ARL15: variants seen among roughly 807,000 people sequenced by gnomAD.
ARL15 encodes the protein ADP-ribosylation factor-like protein 15.
Under a neutral mutation model 25.2 loss-of-function variants are expected in ARL15, and 19 were observed. The observed-to-expected ratio is 0.75, with a 90% CI of 0.53 to 1.10. The LOEUF (loss-of-function observed/expected upper bound fraction) is 1.10, where lower values mean the gene tolerates loss of function less well. Ranked by LOEUF, ARL15 falls within the 50% of genes least tolerant of loss-of-function variation. ARL15 has a pLI of 0.00. For synonymous variants in ARL15, 94 were observed against 86.8 expected (o/e 1.08, Z -0.46); for missense variants, 220 against 246.0 (o/e 0.89, Z 0.71).
chr5:53,904,080 T>C (rs544795656), intron 4 of ARL15, among the ~76,000 whole-genome samples: 2 of 152,316 alleles, frequency 1.3e-5, no homozygotes, highest in Non-Finnish European at 2.9e-5. Context: ...AAAGCAGCCA[T>C]AGATAAGGAC....
At chr5:54,117,370 T>TACACAC (rs71600803) in intron 3 of ARL15, among the ~76,000 whole-genome samples, 26,452 of 143,548 alleles carry the variant, frequency 0.18, 2,417 homozygotes, top group East Asian at 0.28. Context: ...GTGAGACACA[T>TACACAC]ACACACACAC....
intron 4 of ARL15, among the ~76,000 whole-genome samples, chr5:54,006,051 CA>C (rs56094450): frequency 0.17 from 10,118 of 57,884 alleles, 216 homozygotes; most frequent in East Asian, 0.37. Context: ...ATTACATCTC[CA>C]AAAAAAAAAA....
chr5:53,971,767 G>A (rs1210048765), intron 4 of ARL15, among the ~76,000 whole-genome samples: 1 of 152,174 alleles, frequency 6.6e-6, no homozygotes, highest in African/African-American at 2.4e-5. Context: ...AGGCCAGAAA[G>A]GGAAGATTTG....
In ARL15 at chr5:53,917,165, T is replaced by C. The variant is rs142364238; in HGVS notation, c.463-30452A>G. On this transcript the variant is annotated intron_variant, in intron 4 of 4. Coordinates refer to ENST00000504924, the MANE Select transcript of ARL15 (RefSeq NM_019087.3). ...GGGAAAGTGGATATCTGGACTTGCC[T>C]GAGAAAAGCCTTTTAGGTCCAATTG... 6.6e-4 allele frequency among the ~76,000 whole-genome samples: 101 copies of C among 152,344 alleles called. 1 individual carries two copies. The East Asian group carries it at 0.015, about 23-fold the overall frequency.
At chr5:54,170,307 T>A (rs1448268025) in intron 2 of ARL15, among the ~76,000 whole-genome samples, 2 of 152,166 alleles carry the variant, frequency 1.3e-5, no homozygotes, top group African/African-American at 4.8e-5. Context: ...CACAGTAATC[T>A]TCTGCCTCCG....
intron 4 of ARL15, among the ~76,000 whole-genome samples, chr5:54,067,780 T>C (rs1359861845): frequency 6.6e-6 from 1 of 152,212 alleles, no homozygotes; most frequent in Non-Finnish European, 1.5e-5. Flanking sequence ...TGAATGAACA[T>C]TTATAAAATC....
rs760743257 is a variant in ARL15 at position 53,991,542 on chromosome 5, C to CAAAA, written c.463-104833_463-104830dup. Among the ~76,000 whole-genome samples the CAAAA allele has an allele frequency of 4.7e-3, 191 of 40,232 alleles. 3 individuals carry two copies. The highest frequency in any genetic ancestry group is 0.019 in the African/African-American group (170 of 9,056). The allele number at this position is 40,232 out of a possible 152,430, so 26.4% of individuals were successfully genotyped here. On this transcript the variant is annotated intron_variant, in intron 4 of 4. Transcript: ENST00000504924. ...GGGCAATAAGCTCGAAACTCCATCT[C>CAAAA]AAAAAAAAAAAAAAAAAAAGGGGGG...
chr5:54,299,936 T>C (rs767021335), intron 1 of ARL15, among the ~76,000 whole-genome samples: 1 of 152,154 alleles, frequency 6.6e-6, no homozygotes, highest in South Asian at 2.1e-4. Context: ...TGAGTTTCCA[T>C]TTACCTATGT....
intron 3 of ARL15, among the ~76,000 whole-genome samples, chr5:54,145,605 G>A (rs1753882124): frequency 6.6e-6 from 1 of 151,964 alleles, no homozygotes; most frequent in Non-Finnish European, 1.5e-5. Context: ...CAGTCTCAGA[G>A]GATGGTGTGT....
chr5:54,027,405 T>C (rs563312775), intron 4 of ARL15, among the ~76,000 whole-genome samples: 18 of 152,326 alleles, frequency 1.2e-4, no homozygotes, highest in African/African-American at 4.3e-4. Flanking sequence ...ATAATGAAAT[T>C]CAGGTGTGAT....
intron 4 of ARL15, among the ~76,000 whole-genome samples, chr5:54,054,489 CT>C (rs1251745852): frequency 2.0e-5 from 3 of 152,114 alleles, no homozygotes; most frequent in Non-Finnish European, 4.4e-5. Context: ...TGTGGATGAG[CT>C]TTAGAGAAAC....
At chr5:54,212,127 T>C (rs1378730934) in intron 1 of ARL15, among the ~76,000 whole-genome samples, 1 of 152,190 alleles carries the variant, frequency 6.6e-6, no homozygotes, top group Non-Finnish European at 1.5e-5. Flanking sequence ...TGTCATAGCA[T>C]GAAGGCAGCC....
chr5:54,157,786 T>C, intron 2 of ARL15, among the ~76,000 whole-genome samples: 1 of 152,154 alleles, frequency 6.6e-6, no homozygotes, highest in East Asian at 1.9e-4. Flanking sequence ...ATAGAACTTG[T>C]GTGGTTAGAT....
chr5:54,197,605 A>C (rs999282783), intron 1 of ARL15, among the ~76,000 whole-genome samples: 5 of 152,182 alleles, frequency 3.3e-5, no homozygotes, highest in African/African-American at 1.2e-4. Context: ...AGCTATTTTA[A>C]AAGGCTTAGA....
chr5:54,104,589 T>C (rs1752536556), intron 4 of ARL15, among the ~76,000 whole-genome samples: 2 of 152,116 alleles, frequency 1.3e-5, no homozygotes, highest in Admixed American at 1.3e-4. Context: ...AAAGATATGA[T>C]TTCTCATTTT....
chr5:53,992,389 A>G (rs1006634588), intron 4 of ARL15, among the ~76,000 whole-genome samples: 6 of 152,182 alleles, frequency 3.9e-5, no homozygotes, highest in African/African-American at 1.4e-4. Flanking sequence ...GTATACATAT[A>G]ACACACACAG....
intron 4 of ARL15, among the ~76,000 whole-genome samples, chr5:53,947,120 A>G (rs942117725): frequency 4.0e-5 from 6 of 151,646 alleles, no homozygotes; most frequent in African/African-American, 1.5e-4. Context: ...AGTTTACTGT[A>G]TCTTAAACAG....
chr5:54,031,853 T>C (rs946627339), intron 4 of ARL15, among the ~76,000 whole-genome samples: 5 of 152,180 alleles, frequency 3.3e-5, no homozygotes, highest in African/African-American at 1.2e-4. Flanking sequence ...ATTTGTGATA[T>C]CAATGACAAA....
intron 4 of ARL15, among the ~76,000 whole-genome samples, chr5:53,925,516 T>A (rs1304796498): frequency 6.6e-6 from 1 of 152,094 alleles, no homozygotes; most frequent in Non-Finnish European, 1.5e-5. Flanking sequence ...TTAAGTGAGG[T>A]TTGGGGCAGG....
Sources: gnomAD v4.1 joint callset for allele counts (sites outside exome capture counted in the v4.1 genomes callset) on GRCh38, gnomAD v4.1.1 for gene constraint, MANE v1.5 for transcripts, NCBI Gene and HGNC (gene_info 2026-07-23, HGNC 2026-07-21) for gene names.